The following IL1RAPL1 variants were observed in gnomAD, a reference collection of about 807,000 sequenced individuals.
IL1RAPL1 encodes the protein interleukin 1 receptor accessory protein like 1.
In IL1RAPL1, 3 loss-of-function variants were observed where a neutral mutation model predicts 48.4. That is an observed-to-expected ratio of 0.06 (90% CI 0.03 to 0.16). IL1RAPL1 has a LOEUF of 0.16. IL1RAPL1 is among the 10% of genes least tolerant of loss of function. The pLI, the probability that IL1RAPL1 is intolerant of heterozygous loss-of-function variation, is 1.00. For missense variants in IL1RAPL1, 349 were observed against 530.6 expected, an observed-to-expected ratio of 0.66 and a Z score of 3.36; for synonymous variants, 185 against 187.7, an observed-to-expected ratio of 0.99 and a Z score of 0.12.
At chrX:28,998,701 C>T (rs747103388) in intron 2 of IL1RAPL1, among the ~76,000 whole-genome samples, 3 of 111,301 alleles carry the variant, frequency 2.7e-5, no homozygotes, top group Non-Finnish European at 1.9e-5. Context: ...ATGAGTGTTT[C>T]CATAAAGAAT....
At chrX:29,666,140 TTTTA>T (rs1425907772) in intron 5 of IL1RAPL1, among the ~76,000 whole-genome samples, 3 of 111,260 alleles carry the variant, frequency 2.7e-5, no homozygotes, top group South Asian at 3.7e-4. Context: ...ATTTTTAAAT[TTTTA>T]TTAAAGTTTT....
chrX:29,611,967 T>G (rs1373618153), intron 5 of IL1RAPL1, among the ~76,000 whole-genome samples: 2 of 111,389 alleles, frequency 1.8e-5, no homozygotes, highest in Admixed American at 1.9e-4. Context: ...ACCACTCTGC[T>G]GCTCTCCTGC....
intron 2 of IL1RAPL1, among the ~76,000 whole-genome samples, chrX:29,124,537 T>C (rs1235514482): frequency 8.9e-6 from 1 of 112,225 alleles, no homozygotes; most frequent in Non-Finnish European, 1.9e-5. Flanking sequence ...ACCTCCAGAA[T>C]CTACATCCAA....
intron 2 of IL1RAPL1, among the ~76,000 whole-genome samples, chrX:28,943,903 A>G (rs1924228752): frequency 9.0e-6 from 1 of 110,891 alleles, no homozygotes; most frequent in Non-Finnish European, 1.9e-5. Context: ...TCACCTCAAC[A>G]TAGATTTGTA....
chrX:28,721,280 G>A (rs1441574998), intron 1 of IL1RAPL1, among the ~76,000 whole-genome samples: 2 of 111,602 alleles, frequency 1.8e-5, no homozygotes, highest in African/African-American at 6.5e-5. Context: ...TTTAATGATC[G>A]CCATTCTAAC....
At chrX:29,234,099 T>C (rs1283160362) in intron 2 of IL1RAPL1, among the ~76,000 whole-genome samples, 1 of 112,137 alleles carries the variant, frequency 8.9e-6, no homozygotes, top group Non-Finnish European at 1.9e-5. Flanking sequence ...GGCACCTCAA[T>C]ACTGCTTCGT....
Position 29,563,078 on chromosome X carries a change from G to T in IL1RAPL1, c.704-105352G>T, listed in dbSNP as rs186043281. On this transcript the variant is annotated intron_variant, in intron 5 of 10. Coordinates refer to ENST00000378993, the MANE Select transcript of IL1RAPL1 (RefSeq NM_014271.4). ...TATTTGAATATTTGCAAAATTTAAG[G>T]ATCATGACATCATGATGAACATCTA... Among the ~76,000 whole-genome samples, 255 of 111,611 alleles carry T rather than the reference G, an allele frequency of 2.3e-3. 1 individual carries two copies. The highest frequency in any genetic ancestry group is 8.1e-3 in the African/African-American group (250 of 30,756).
intron 2 of IL1RAPL1, among the ~76,000 whole-genome samples, chrX:29,163,680 A>G (rs1225242112): frequency 9.0e-6 from 1 of 111,591 alleles, no homozygotes; most frequent in African/African-American, 3.3e-5. Context: ...GAAGAGAGAT[A>G]ACAAAGGAAC....
chrX:28,812,548 T>C, intron 2 of IL1RAPL1, among the ~76,000 whole-genome samples: 1 of 111,204 alleles, frequency 9.0e-6, no homozygotes, highest in East Asian at 2.8e-4. Context: ...TTCTTTTCTC[T>C]TTTAAAAAAC....
intron 2 of IL1RAPL1, among the ~76,000 whole-genome samples, chrX:29,234,226 A>G (rs1471818039): frequency 8.9e-6 from 1 of 112,145 alleles, no homozygotes; most frequent in East Asian, 2.8e-4. Flanking sequence ...ATTTTTATGG[A>G]TATATAATGG....
chrX:28,761,043 C>T (rs1936165460), intron 1 of IL1RAPL1, among the ~76,000 whole-genome samples: 1 of 106,047 alleles, frequency 9.4e-6, no homozygotes, highest in African/African-American at 3.5e-5. Context: ...GCTGAGATCC[C>T]ACCACTGCAC....
chrX:29,249,278 A>G (rs753501685), intron 2 of IL1RAPL1, among the ~76,000 whole-genome samples: 2 of 111,776 alleles, frequency 1.8e-5, no homozygotes, highest in Admixed American at 1.9e-4. Flanking sequence ...AACTAAAGGG[A>G]TTAGAGGAAA....
chrX:29,168,089 G>T (rs1265827539), intron 2 of IL1RAPL1, among the ~76,000 whole-genome samples: 1 of 109,044 alleles, frequency 9.2e-6, no homozygotes, highest in Non-Finnish European at 1.9e-5. Context: ...TTAAATATTG[G>T]GGTACAATAT....
chrX:29,187,053 G>A (rs1930265954), intron 2 of IL1RAPL1, among the ~76,000 whole-genome samples: 1 of 110,931 alleles, frequency 9.0e-6, no homozygotes, highest in African/African-American at 3.3e-5. Flanking sequence ...GATCTGTGCA[G>A]CAAACCACCA....
At chrX:29,703,623 G>A (rs1053720094) in intron 6 of IL1RAPL1, among the ~76,000 whole-genome samples, 8 of 111,931 alleles carry the variant, frequency 7.1e-5, no homozygotes, top group African/African-American at 1.9e-4. Context: ...GATTACAGGC[G>A]TGAGCCACCG....
At chrX:28,642,457 T>G (rs1486715985) in intron 1 of IL1RAPL1, among the ~76,000 whole-genome samples, 1 of 111,618 alleles carries the variant, frequency 9.0e-6, no homozygotes, top group Non-Finnish European at 1.9e-5. Flanking sequence ...ATTATAACAG[T>G]CTCTCAGACC....
chrX:29,443,115 T>C, intron 5 of IL1RAPL1, among the ~76,000 whole-genome samples: 2 of 110,539 alleles, frequency 1.8e-5, no homozygotes, highest in Middle Eastern at 4.7e-3. Flanking sequence ...TAAGAATCCT[T>C]AGTAGAATCA....
chrX:29,613,862 C>T (rs971529508), intron 5 of IL1RAPL1, among the ~76,000 whole-genome samples: 4 of 103,282 alleles, frequency 3.9e-5, no homozygotes, highest in Non-Finnish European at 7.9e-5. Flanking sequence ...CTCCTGGGTT[C>T]GCACCATTCT....
chrX:29,935,492 T>C (rs1206602268), intron 8 of IL1RAPL1, among the ~76,000 whole-genome samples: 2 of 111,702 alleles, frequency 1.8e-5, no homozygotes, highest in East Asian at 5.6e-4. Flanking sequence ...ATTTGTGCTT[T>C]ATTCAGTTAC....
Sources: allele counts gnomAD v4.1 joint callset (sites outside exome capture counted in the v4.1 genomes callset), GRCh38; gene constraint gnomAD v4.1.1; transcripts MANE v1.5; gene names NCBI Gene and HGNC (gene_info 2026-07-23, HGNC 2026-07-21).